COL11A1: variants seen among roughly 807,000 people sequenced by gnomAD.
COL11A1 encodes the protein collagen alpha-1(XI) chain.
COL11A1 carries 74 observed loss-of-function variants against 265.2 expected under a neutral mutation model. The observed-to-expected ratio is 0.28, with a 90% CI of 0.23 to 0.34. The LOEUF (loss-of-function observed/expected upper bound fraction) is 0.34, where lower values mean the gene tolerates loss of function less well. Among genes scored for constraint, COL11A1 ranks in the 10% least tolerant of loss-of-function variants. The probability of loss-of-function intolerance (pLI) is 1.00; values close to 1 mark genes in which losing one functional copy is unlikely to be tolerated. For synonymous variants in COL11A1, 816 were observed against 727.6 expected (o/e 1.12, Z -1.96); for missense variants, 2,165 against 2,263.6 (o/e 0.96, Z 0.88).
intron 28 of COL11A1, among the ~76,000 whole-genome samples, chr1:102,992,357 T>C (rs1488767054): frequency 1.3e-5 from 2 of 152,088 alleles, no homozygotes; most frequent in African/African-American, 4.8e-5. Flanking sequence ...TATTGAGCTG[T>C]GTTGCTCCAG....
chr1:102,954,662 T>A (rs1381137352), intron 41 of COL11A1, among the ~76,000 whole-genome samples: 1 of 151,924 alleles, frequency 6.6e-6, no homozygotes, highest in Admixed American at 6.6e-5. Flanking sequence ...CTGGCCAATA[T>A]AGTGAAACCC....
At chr1:102,926,846 T>C (rs1183278815) in intron 46 of COL11A1, among the ~76,000 whole-genome samples, 1 of 152,172 alleles carries the variant, frequency 6.6e-6, no homozygotes, top group Non-Finnish European at 1.5e-5. Context: ...TTTTCAAATA[T>C]GTATGCTTCA....
At chr1:102,972,218 CT>C (rs34198893) in intron 36 of COL11A1, among the ~76,000 whole-genome samples, 2 of 151,886 alleles carry the variant, frequency 1.3e-5, no homozygotes, top group African/African-American at 2.4e-5. Context: ...TTATGTCTGG[CT>C]TTTTTTTCCA....
At position 103,031,149 on chromosome 1, in the gene COL11A1, C is replaced by A; in HGVS notation, c.747G>T (p.Lys249Asn). The change falls in exon 5 of 67, where the codon AAG becomes AAT. Residue 249 changes from lysine to asparagine, a missense_variant. Coordinates refer to ENST00000370096, the MANE Select transcript of COL11A1 (RefSeq NM_001854.4). Reference sequence around the variant, plus strand: ...TCTGAGGTTCCTGAGCTTGAGCAGCCTTGGGTGCTGAAGAGTCACAGTCTG... The same window carrying A: ...TCTGAGGTTCCTGAGCTTGAGCAGCATTGGGTGCTGAAGAGTCACAGTCTG... ...YSPDCDSSAPKAAQAQEPQID... is the reference protein window; with the variant it reads ...YSPDCDSSAPNAAQAQEPQID... The A allele has an allele frequency of 6.2e-7, 1 of 1,613,010 alleles. No homozygotes were observed. The highest frequency in any genetic ancestry group is 2.2e-5 in the East Asian group (1 of 44,836).
At chr1:103,096,835 G>T (rs570841279) in intron 1 of COL11A1, among the ~76,000 whole-genome samples, 5 of 152,092 alleles carry the variant, frequency 3.3e-5, no homozygotes, top group Non-Finnish European at 7.4e-5. Context: ...TCTAAAAGCT[G>T]ATATACTTTG....
intron 50 of COL11A1, 140 bp downstream of exon 50, chr1:102,915,491 T>C (rs1655234670): frequency 1.3e-6 from 1 of 764,668 alleles, no homozygotes; most frequent in Non-Finnish European, 2.4e-6. Flanking sequence ...AACAAGGCTT[T>C]GTATTTGTGA....
intron 23 of COL11A1, 30 bp downstream of exon 23, chr1:103,002,398 T>A: frequency 6.3e-7 from 1 of 1,578,494 alleles, no homozygotes; most frequent in Non-Finnish European, 8.6e-7. Flanking sequence ...CCCCCATTAT[T>A]TCAAAGGAGC....
chr1:103,024,851 G>A (rs145624065), intron 7 of COL11A1, among the ~76,000 whole-genome samples: 2 of 151,982 alleles, frequency 1.3e-5, no homozygotes, highest in Non-Finnish European at 2.9e-5. Context: ...ATACCAAAAT[G>A]TATACCAGAT....
chr1:103,061,620 A>G (rs930204606), intron 4 of COL11A1, among the ~76,000 whole-genome samples: 3 of 152,084 alleles, frequency 2.0e-5, no homozygotes, highest in Non-Finnish European at 4.4e-5. Context: ...ACTTCTAACT[A>G]ATACATGGAT....
At chr1:102,928,333 G>C (rs1376676859) in intron 46 of COL11A1, among the ~76,000 whole-genome samples, 1 of 148,024 alleles carries the variant, frequency 6.8e-6, no homozygotes, top group Non-Finnish European at 1.5e-5. Flanking sequence ...TCCCACCTAT[G>C]AGTGAGAATA....
intron 4 of COL11A1, among the ~76,000 whole-genome samples, chr1:103,072,029 T>A (rs1671632453): frequency 6.6e-6 from 1 of 151,800 alleles, no homozygotes; most frequent in African/African-American, 2.4e-5. Context: ...TATTAAGCTA[T>A]ATGCTGGGAT....
chr1:102,962,376 A>G, intron 39 of COL11A1, 111 bp from the exon 40 acceptor site: 1 of 894,272 alleles, frequency 1.1e-6, no homozygotes, highest in East Asian at 2.4e-5. Context: ...ATATTATTTA[A>G]TGATGAGAAT....
At chr1:103,083,004 A>G (rs369280508) in intron 1 of COL11A1, 32 bp from the exon 2 acceptor site, 2 of 1,599,588 alleles carry the variant, frequency 1.3e-6, no homozygotes, top group Non-Finnish European at 1.7e-6. Flanking sequence ...AAAAACCAGA[A>G]TTGAACAACG....
chr1:103,004,311 T>C (rs1665397404), intron 20 of COL11A1, 133 bp downstream of exon 20: 2 of 668,270 alleles, frequency 3.0e-6, no homozygotes, highest in Admixed American at 2.8e-5. Flanking sequence ...TTTTTTCGCA[T>C]GGCAATTATC....
rs78922235 is a variant in COL11A1, at chr1:102,973,972, A to G, written c.2808+858T>C. 5.5e-3 allele frequency among the ~76,000 whole-genome samples: 845 copies of G among 152,308 alleles called. 4 individuals are homozygous for G. The highest frequency in any genetic ancestry group is 8.9e-3 in the Non-Finnish European group (608 of 68,022). ...CTAGCACAGAGGTTCACACACTTTA[A>G]CATGCATCAGAACTGTCTAGAGGGT... is the stretch of plus-strand genomic sequence containing the variant. On this transcript the variant is annotated intron_variant, in intron 36 of 66. Transcript: ENST00000370096.
intron 50 of COL11A1, 85 bp from the exon 51 acceptor site, chr1:102,914,896 C>T (rs1570715027): frequency 1.2e-5 from 12 of 1,042,994 alleles, no homozygotes; most frequent in Non-Finnish European, 1.3e-5. Flanking sequence ...TTAACCTTGG[C>T]ACACTGGGCC....
At chr1:102,979,034 A>G in intron 33 of COL11A1, 26 bp downstream of exon 33, 3 of 1,612,558 alleles carry the variant, frequency 1.9e-6, no homozygotes, top group Non-Finnish European at 2.5e-6. Context: ...TGAAAAATGT[A>G]CATCATTTTA....
chr1:103,033,848 G>C (rs1304871860), intron 4 of COL11A1, among the ~76,000 whole-genome samples: 1 of 151,992 alleles, frequency 6.6e-6, no homozygotes. Context: ...GCCCAAAGCT[G>C]GTATTGAAAT....
At chr1:102,945,784 C>T (rs1371066085) in intron 42 of COL11A1, among the ~76,000 whole-genome samples, 1 of 151,914 alleles carries the variant, frequency 6.6e-6, no homozygotes, top group African/African-American at 2.4e-5. Flanking sequence ...GAAACCTAAA[C>T]ATAATGAGTG....
Sources: allele counts gnomAD v4.1 joint callset (sites outside exome capture counted in the v4.1 genomes callset), GRCh38; gene constraint gnomAD v4.1.1; transcripts MANE v1.5; gene names NCBI Gene and HGNC (gene_info 2026-07-23, HGNC 2026-07-21).